SRGAP2C: variants seen among roughly 807,000 people sequenced by gnomAD.
SRGAP2C encodes SLIT-ROBO Rho GTPase-activating protein 2C.
In SRGAP2C, 15 loss-of-function variants were observed where a neutral mutation model predicts 25.1. That is an observed-to-expected ratio of 0.60 (90% CI 0.40 to 0.92). The LOEUF (loss-of-function observed/expected upper bound fraction) is 0.92, where lower values mean the gene tolerates loss of function less well. Among genes scored for constraint, SRGAP2C ranks in the 40% least tolerant of loss-of-function variants. SRGAP2C has a pLI of 0.00. For missense variants in SRGAP2C, 144 were observed against 264.4 expected (o/e 0.54, Z 3.16); for synonymous variants, 44 against 96.6 (o/e 0.46, Z 3.19).
chr1:121,279,944 G>T (rs1482845226), intron 2 of SRGAP2C, among the ~76,000 whole-genome samples: 1 of 150,480 alleles, frequency 6.6e-6, no homozygotes, highest in African/African-American at 2.4e-5. Flanking sequence ...TGTTTGTTGG[G>T]TTATTTTCCC....
intron 3 of SRGAP2C, among the ~76,000 whole-genome samples, chr1:121,296,274 G>T (rs1415805390): frequency 6.6e-6 from 1 of 152,024 alleles, no homozygotes; most frequent in Admixed American, 6.6e-5. Flanking sequence ...GAGAGGGGAT[G>T]GTTGAAACTG....
At chr1:121,264,764 G>A (rs1490673515) in intron 2 of SRGAP2C, among the ~76,000 whole-genome samples, 6 of 143,468 alleles carry the variant, frequency 4.2e-5, no homozygotes, top group Non-Finnish European at 7.7e-5. Context: ...TTTTTACATT[G>A]CAATTACTTC....
chr1:121,367,150 G>C (rs587596962), intron 5 of SRGAP2C, among the ~76,000 whole-genome samples: 2 of 151,840 alleles, frequency 1.3e-5, no homozygotes, highest in Admixed American at 1.3e-4. Context: ...ACTGAGAATT[G>C]CCTGAGTGTG....
At chr1:121,370,510 C>T (rs1388879555) in intron 5 of SRGAP2C, among the ~76,000 whole-genome samples, 1 of 131,546 alleles carries the variant, frequency 7.6e-6, no homozygotes, top group East Asian at 2.3e-4. Context: ...GGCGTGATCT[C>T]GGCTCACTGC....
intron 2 of SRGAP2C, among the ~76,000 whole-genome samples, chr1:121,237,684 G>A (rs1308893511): frequency 2.0e-5 from 3 of 151,928 alleles, no homozygotes; most frequent in Non-Finnish European, 2.9e-5. Context: ...AATGAATTCC[G>A]GGTTGCCCTC....
At chr1:121,293,785 A>C (rs1657539956) in intron 3 of SRGAP2C, among the ~76,000 whole-genome samples, 1 of 114,688 alleles carries the variant, frequency 8.7e-6, no homozygotes, top group Non-Finnish European at 1.8e-5. Flanking sequence ...TAGCAATGCC[A>C]TGAATTTGTC....
chr1:121,218,839 G>C (rs1370199370), intron 2 of SRGAP2C, among the ~76,000 whole-genome samples: 2 of 151,800 alleles, frequency 1.3e-5, no homozygotes, highest in African/African-American at 2.4e-5. Flanking sequence ...TTCAAGTAGA[G>C]TTCAGTTGAC....
intron 2 of SRGAP2C, among the ~76,000 whole-genome samples, chr1:121,263,577 C>T (rs1217402599): frequency 6.6e-6 from 1 of 151,294 alleles, no homozygotes; most frequent in Non-Finnish European, 1.5e-5. Context: ...TCTATCAAAG[C>T]AAGTCATGTA....
Position 121,388,191 on chromosome 1 carries a change from TTCA to T in SRGAP2C, c.*338_*340del, listed in dbSNP as rs1249045585. ...AGTTCTTGGAGAGTACATACAAATA[TTCA>T]TAATAACACATATTTTGTTTATAAA... is the stretch of plus-strand genomic sequence containing the variant. On this transcript the variant is annotated 3_prime_UTR_variant, in exon 10 of 10. Coordinates refer to ENST00000367123, the MANE Select transcript of SRGAP2C (RefSeq NM_001329984.2). The T allele has an allele frequency of 6.2e-5, 4 of 64,688 alleles. No homozygotes were observed. The highest frequency in any genetic ancestry group is 2.9e-4 in the African/African-American group (4 of 13,992). The allele number at this position is 64,688 out of a possible 1,614,324, so 4.0% of individuals were successfully genotyped here. A position where few individuals can be genotyped will look rare whatever the true frequency, so the allele number is the denominator to read the frequency against.
rs1415795982 is a variant in SRGAP2C at position 121,284,860 on chromosome 1, G to A, written c.125G>A (p.Arg42Gln). ...TGCCTGGACCAGCAGTGTGAGCTTC[G>A]GGTGCAACTGTTGCAGGACCTCCAG... ...MKCLDQQCEL[R>Q]VQLLQDLQDF... The change falls in exon 3 of 10, where the codon CGG becomes CAG. Residue 42 changes from arginine (R) to glutamine (Q), a missense_variant. By Grantham distance (43) the Arg-to-Gln change is conservative. Transcript: ENST00000367123. 1.1e-4 allele frequency: 119 copies of A among 1,114,112 alleles called. 2 individuals carry two copies. The highest frequency in any genetic ancestry group is 1.3e-4 in the Non-Finnish European group (103 of 769,152). The allele number at this position is 1,114,112 out of a possible 1,614,324, so 69.0% of individuals were successfully genotyped here. A position where few individuals can be genotyped will look rare whatever the true frequency, so the allele number is the denominator to read the frequency against.
At position 121,307,324 on chromosome 1, in the gene SRGAP2C, TG is replaced by T. The variant is rs1325133609; in HGVS notation, c.261-17152del. Reference sequence around the variant, plus strand: ...ACTTAATTTTTTGAGAAATGCTAGTTGGTGACCTATACGTTGATTTTTTTAA... The same window carrying T: ...ACTTAATTTTTTGAGAAATGCTAGTTGTGACCTATACGTTGATTTTTTTAA... On this transcript the variant is annotated intron_variant, in intron 3 of 9. Transcript: ENST00000367123. Among the ~76,000 whole-genome samples the T allele has an allele frequency of 1.7e-3, 261 of 152,114 alleles. 1 individual carries two copies. Among genetic ancestry groups the T allele is most frequent in the African/African-American group, 6.0e-3 (249 of 41,450 alleles).
In SRGAP2C at chr1:121,372,885, A is replaced by G. The variant is rs1307908620; in HGVS notation, c.487-1086A>G. ...CTGTGTTACACACACACATGCACAC[A>G]CACACACACACACACACACATGCAC... On this transcript the variant is annotated intron_variant, in intron 5 of 9. Coordinates refer to ENST00000367123, the MANE Select transcript of SRGAP2C (RefSeq NM_001329984.2). Among the ~76,000 whole-genome samples the G allele has an allele frequency of 1.6e-4, 11 of 67,884 alleles. 2 individuals carry two copies. The highest frequency in any genetic ancestry group is 4.2e-4 in the Admixed American group (3 of 7,154). 44.5% of individuals were successfully genotyped at this position (67,884 alleles called of 152,430 possible).
At chr1:121,259,529 C>G (rs1553333106) in intron 2 of SRGAP2C, among the ~76,000 whole-genome samples, 1 of 144,362 alleles carries the variant, frequency 6.9e-6, no homozygotes. Flanking sequence ...TTCTTTTAGC[C>G]ACTACCAAGT....
At position 121,347,116 on chromosome 1, in the gene SRGAP2C, A is replaced by AT. The variant is rs1355253576; in HGVS notation, c.424-18170dup. Among the ~76,000 whole-genome samples, 3 of 121,422 alleles carry AT rather than the reference A, an allele frequency of 2.5e-5. No homozygotes were observed. The East Asian group carries it at 7.2e-4, about 29-fold the overall frequency. The allele number at this position is 121,422 out of a possible 152,430, so 79.7% of individuals were successfully genotyped here. A position where few individuals can be genotyped will look rare whatever the true frequency, so the allele number is the denominator to read the frequency against. On this transcript the variant is annotated intron_variant, in intron 4 of 9. Coordinates refer to ENST00000367123, the MANE Select transcript of SRGAP2C (RefSeq NM_001329984.2). ...GGGGACCCAGGGCTCTAGATGGTTTATTTTTTTATTTTCCTTATTGGTTAA... is the reference window on the plus strand; with the variant it reads ...GGGGACCCAGGGCTCTAGATGGTTTATTTTTTTTATTTTCCTTATTGGTTAA...
chr1:121,337,604 C>T (rs1467665905), intron 4 of SRGAP2C, among the ~76,000 whole-genome samples: 10 of 151,478 alleles, frequency 6.6e-5, no homozygotes, highest in African/African-American at 2.4e-4. Flanking sequence ...TGTACTCCAG[C>T]ATGGGTGACA....
Position 121,297,537 on chromosome 1 carries a change from A to G in SRGAP2C, c.260+12542A>G, listed in dbSNP as rs1657622709. ...TACCTTGAAGGATTCTTCTAAGGAT[A>G]TATATAATGTATATACAGCACTAGC... is the stretch of plus-strand genomic sequence containing the variant. On this transcript the variant is annotated intron_variant, in intron 3 of 9. Transcript: ENST00000367123. 2.8e-5 allele frequency among the ~76,000 whole-genome samples: 4 copies of G among 145,332 alleles called. No homozygotes were observed. The Middle Eastern group carries it at 0.014, about 498-fold the overall frequency.
intron 4 of SRGAP2C, among the ~76,000 whole-genome samples, chr1:121,353,092 AAAAAAAG>A (rs1297392157): frequency 6.6e-6 from 1 of 150,904 alleles, no homozygotes; most frequent in African/African-American, 2.4e-5. Flanking sequence ...TCCATCTCCA[AAAAAAAG>A]AAAAAAGAAA....
At chr1:121,207,277 C>T (rs1333966900) in intron 2 of SRGAP2C, among the ~76,000 whole-genome samples, 1 of 152,146 alleles carries the variant, frequency 6.6e-6, no homozygotes, top group Non-Finnish European at 1.5e-5. Context: ...TTTTCTTTCC[C>T]TGTGCCCTGT....
At chr1:121,322,816 A>C (rs1249596576) in intron 3 of SRGAP2C, among the ~76,000 whole-genome samples, 1 of 151,912 alleles carries the variant, frequency 6.6e-6, no homozygotes, top group African/African-American at 2.4e-5. Context: ...ATGGTTTACA[A>C]ATCACAAGTG....
Sources: allele counts gnomAD v4.1 joint callset (sites outside exome capture counted in the v4.1 genomes callset), GRCh38; gene constraint gnomAD v4.1.1; transcripts MANE v1.5; gene names NCBI Gene and HGNC (gene_info 2026-07-23, HGNC 2026-07-21).